Variants in GATAD2A observed in about 807,000 individuals in gnomAD.
GATAD2A encodes transcriptional repressor p66-alpha.
A neutral mutation model predicts 68.5 loss-of-function variants in GATAD2A; 12 were observed. That is an observed-to-expected ratio of 0.18 (90% CI 0.11 to 0.28). GATAD2A has a LOEUF of 0.28. Ranked by LOEUF, GATAD2A falls within the 10% of genes least tolerant of loss-of-function variation. The pLI is 1.00. For synonymous variants in GATAD2A, 410 were observed against 375.3 expected, an observed-to-expected ratio of 1.09 and a Z score of -1.07; for missense variants, 755 against 868.5, an observed-to-expected ratio of 0.87 and a Z score of 1.64.
At chr19:19,490,119 C>G (rs990625290) in intron 2 of GATAD2A, among the ~76,000 whole-genome samples, 2 of 152,288 alleles carry the variant, frequency 1.3e-5, no homozygotes, top group South Asian at 2.1e-4. Context: ...AACCCCTTGC[C>G]TGGGGGATTG....
In GATAD2A at chr19:19,490,571, C is replaced by T. The variant is rs542580111; in HGVS notation, c.270-1735C>T. 4.6e-5 allele frequency among the ~76,000 whole-genome samples: 7 copies of T among 152,238 alleles called. No homozygotes were observed. In the East Asian group the frequency reaches 1.2e-3, roughly 25 times the overall value. On this transcript the variant is annotated intron_variant, in intron 2 of 11. Transcript: ENST00000683918. ...CTGGGTCACAGTGCCACCTAGAGGACGTGTCTGTCCTTGGCTGGTTTTCCT... is the reference window on the plus strand; with the variant it reads ...CTGGGTCACAGTGCCACCTAGAGGATGTGTCTGTCCTTGGCTGGTTTTCCT...
At chr19:19,434,303 A>G (rs191358209) in intron 1 of GATAD2A, among the ~76,000 whole-genome samples, 1 of 152,232 alleles carries the variant, frequency 6.6e-6, no homozygotes, top group East Asian at 1.9e-4. Context: ...TTGGATTGGC[A>G]GATACAAAAT....
chr19:19,397,329 G>A (rs74181134), intron 1 of GATAD2A, among the ~76,000 whole-genome samples: 7,473 of 151,260 alleles, frequency 0.049, 262 homozygotes, highest in East Asian at 0.13. Context: ...CGCAACCTCC[G>A]CCTCCTGGGT....
chr19:19,496,362 C>T, intron 7 of GATAD2A, 143 bp downstream of exon 7: 1 of 760,040 alleles, frequency 1.3e-6, no homozygotes, highest in Non-Finnish European at 2.1e-6. Flanking sequence ...CAGGCAGGGG[C>T]TTGGACTTGA....
At chr19:19,470,121 A>G (rs974499716) in intron 2 of GATAD2A, among the ~76,000 whole-genome samples, 3 of 151,842 alleles carry the variant, frequency 2.0e-5, no homozygotes, top group Middle Eastern at 3.4e-3. Context: ...CCAAAAAATT[A>G]CTAGAGCCAA....
chr19:19,440,086 C>A, intron 1 of GATAD2A: 2 of 381,234 alleles, frequency 5.2e-6, no homozygotes, highest in South Asian at 1.8e-5. Context: ...GCCTGAGCCC[C>A]TGAGTGAAGG....
At chr19:19,454,223 CGACCTCA>C (rs1223121883) in intron 1 of GATAD2A, among the ~76,000 whole-genome samples, 1 of 150,404 alleles carries the variant, frequency 6.6e-6, no homozygotes, top group African/African-American at 2.4e-5. Context: ...CTTGAACTCC[CGACCTCA>C]GGTGATCTGC....
At chr19:19,426,235 T>C (rs1241365775) in intron 1 of GATAD2A, among the ~76,000 whole-genome samples, 2 of 152,196 alleles carry the variant, frequency 1.3e-5, no homozygotes, top group African/African-American at 4.8e-5. Context: ...TCTTCGTGTG[T>C]CTAGCTTGGG....
intron 1 of GATAD2A, among the ~76,000 whole-genome samples, chr19:19,429,005 C>T (rs1234347363): frequency 2.0e-5 from 3 of 149,626 alleles, no homozygotes; most frequent in Non-Finnish European, 4.4e-5. Context: ...TAATTAAAGA[C>T]AGCATTTGTA....
chr19:19,502,324 A>C lies in GATAD2A; in HGVS notation c.1579-7A>C. 1 of 1,600,246 alleles carries C rather than the reference A, an allele frequency of 6.2e-7. No individual in the cohort carries two copies. The highest frequency in any genetic ancestry group is 8.5e-7 in the Non-Finnish European group (1 of 1,170,656). On this transcript the variant is annotated splice_polypyrimidine_tract_variant and splice_region_variant and intron_variant, in intron 10 of 11. Transcript: ENST00000683918. ...CATGAGCCGTCACCCCCCTTTCTCC[A>C]CTGCAGGCCTCCAGCCAGCTGTCCC... is the stretch of plus-strand genomic sequence containing the variant.
chr19:19,426,745 C>T (rs1472790613), intron 1 of GATAD2A, among the ~76,000 whole-genome samples: 3 of 152,254 alleles, frequency 2.0e-5, no homozygotes, highest in South Asian at 2.1e-4. Context: ...AACTTCTGGC[C>T]GCAAGCGATC....
At chr19:19,422,528 G>A (rs2052545061) in intron 1 of GATAD2A, among the ~76,000 whole-genome samples, 1 of 152,148 alleles carries the variant, frequency 6.6e-6, no homozygotes, top group Admixed American at 6.5e-5. Context: ...CTCCATCTTG[G>A]CCTCAGTTTA....
At chr19:19,436,276 T>C in intron 1 of GATAD2A, 3 of 934,968 alleles carry the variant, frequency 3.2e-6, no homozygotes, top group Non-Finnish European at 4.8e-6. Flanking sequence ...CCAGCAGGCT[T>C]CGGTCAGCTT....
chr19:19,490,615 C>CTTGATT (rs1160142211), intron 2 of GATAD2A, among the ~76,000 whole-genome samples: 2 of 152,160 alleles, frequency 1.3e-5, no homozygotes, highest in African/African-American at 4.8e-5. Flanking sequence ...AAAAAATGGA[C>CTTGATT]TTGATTCACT....
At chr19:19,495,644 A>AAAC (rs1555719244) in intron 5 of GATAD2A, 110 bp from the exon 6 acceptor site, 2 of 1,008,806 alleles carry the variant, frequency 2.0e-6, no homozygotes, top group African/African-American at 1.7e-5. Flanking sequence ...TAAAAAAAAA[A>AAAC]AAAAAAAAAA....
intron 2 of GATAD2A, among the ~76,000 whole-genome samples, chr19:19,475,123 C>A (rs1487275697): frequency 6.6e-6 from 1 of 152,258 alleles, no homozygotes; most frequent in African/African-American, 2.4e-5. Flanking sequence ...CTTCCACCCC[C>A]TGCTCTCAGG....
At chr19:19,395,787 C>T (rs950620904) in intron 1 of GATAD2A, among the ~76,000 whole-genome samples, 2 of 152,114 alleles carry the variant, frequency 1.3e-5, no homozygotes, top group Non-Finnish European at 2.9e-5. Flanking sequence ...TATAAAAGTA[C>T]GGTGGGAGTC....
chr19:19,429,629 T>C (rs1198904832), intron 1 of GATAD2A, among the ~76,000 whole-genome samples: 1 of 151,402 alleles, frequency 6.6e-6, no homozygotes, highest in East Asian at 2.0e-4. Context: ...CCTGCCTGTC[T>C]CCTCCTTCAA....
chr19:19,484,532 C>CTTTT (rs897099165), intron 2 of GATAD2A, among the ~76,000 whole-genome samples: 4 of 86,958 alleles, frequency 4.6e-5, no homozygotes, highest in African/African-American at 9.9e-5. Context: ...TTTTTTTTTT[C>CTTTT]TTTTTTTTTT....
Sources: allele counts gnomAD v4.1 joint callset (sites outside exome capture counted in the v4.1 genomes callset), GRCh38; gene constraint gnomAD v4.1.1; transcripts MANE v1.5; gene names NCBI Gene and HGNC (gene_info 2026-07-23, HGNC 2026-07-21).